The following NAALADL2 variants were observed in gnomAD, a reference collection of about 807,000 sequenced individuals.
The protein encoded by NAALADL2 is inactive N-acetylated-alpha-linked acidic dipeptidase-like protein 2.
NAALADL2 carries 76 observed loss-of-function variants against 87.2 expected under a neutral mutation model. That is an observed-to-expected ratio of 0.87 (90% CI 0.72 to 1.05). NAALADL2 has a LOEUF of 1.05. Among genes scored for constraint, NAALADL2 ranks in the 50% least tolerant of loss-of-function variants. The probability of loss-of-function intolerance (pLI) is 0.00; values close to 1 mark genes in which losing one functional copy is unlikely to be tolerated. For synonymous variants in NAALADL2, 354 were observed against 331.0 expected (o/e 1.07, Z -0.75); for missense variants, 1,089 against 945.8 (o/e 1.15, Z -1.99).
chr3:174,464,198 G>A (rs2108297234), intron 1 of NAALADL2, among the ~76,000 whole-genome samples: 1 of 152,140 alleles, frequency 6.6e-6, no homozygotes, highest in Non-Finnish European at 1.5e-5. Context: ...ACGAACTAAT[G>A]TTTAAGTCCC....
At position 175,704,273 on chromosome 3, in the gene NAALADL2, C is replaced by T. The variant is rs199543248; in HGVS notation, c.1897-33033C>T. Among the ~76,000 whole-genome samples the T allele has an allele frequency of 7.9e-5, 12 of 152,220 alleles. No individual in the cohort carries two copies. The East Asian group carries it at 2.1e-3, about 27-fold the overall frequency. ...GGGGCTGTTCGCTGTGGAAAAGAGG[C>T]TTCCTTTTTCCTCTGTCATTCAGTA... On this transcript the variant is annotated intron_variant, in intron 11 of 13. Coordinates refer to ENST00000454872, the MANE Select transcript of NAALADL2 (RefSeq NM_207015.3).
At chr3:175,577,291 T>C (rs1359480502) in intron 10 of NAALADL2, among the ~76,000 whole-genome samples, 1 of 152,208 alleles carries the variant, frequency 6.6e-6, no homozygotes, top group East Asian at 1.9e-4. Context: ...ACTATGCCTG[T>C]AGAGGGTTTA....
chr3:175,490,187 T>C (rs1031703946), intron 9 of NAALADL2, among the ~76,000 whole-genome samples: 4 of 152,156 alleles, frequency 2.6e-5, no homozygotes, highest in African/African-American at 9.7e-5. Context: ...CTGGGAAAGA[T>C]AGCCCTTCTT....
chr3:175,259,032 G>A (rs986176226), intron 4 of NAALADL2, among the ~76,000 whole-genome samples: 9 of 152,018 alleles, frequency 5.9e-5, no homozygotes, highest in African/African-American at 2.2e-4. Flanking sequence ...AGATTAAAGC[G>A]GCATTTGTCT....
intron 2 of NAALADL2, among the ~76,000 whole-genome samples, chr3:174,686,929 C>T (rs1728098972): frequency 6.6e-6 from 1 of 152,008 alleles, no homozygotes; most frequent in African/African-American, 2.4e-5. Context: ...GCAATTGCAA[C>T]AAAACCAAAA....
intron 13 of NAALADL2, among the ~76,000 whole-genome samples, chr3:175,769,439 C>CA (rs1352190593): frequency 6.6e-6 from 1 of 152,132 alleles, no homozygotes; most frequent in African/African-American, 2.4e-5. Flanking sequence ...ACTGAAAAAT[C>CA]AAACAAGGGC....
At chr3:174,855,151 T>C (rs1471723972), upstream of NAALADL2, among the ~76,000 whole-genome samples, 1 of 152,130 alleles carries the variant, frequency 6.6e-6, no homozygotes, top group Non-Finnish European at 1.5e-5. Context: ...TGCTATACTT[T>C]TACATGAGTG....
At chr3:174,729,181 GA>G (rs1278123038) in intron 2 of NAALADL2, among the ~76,000 whole-genome samples, 1 of 151,978 alleles carries the variant, frequency 6.6e-6, no homozygotes, top group Non-Finnish European at 1.5e-5. Flanking sequence ...CTAACATCCT[GA>G]TGTCTCCTGT....
chr3:175,055,474 T>C (rs1351576160), intron 1 of NAALADL2, among the ~76,000 whole-genome samples: 1 of 152,170 alleles, frequency 6.6e-6, no homozygotes, highest in Non-Finnish European at 1.5e-5. Context: ...GCTCACAGCT[T>C]TTGTACAGCA....
At chr3:174,463,606 T>G (rs1716342174) in intron 1 of NAALADL2, among the ~76,000 whole-genome samples, 1 of 148,578 alleles carries the variant, frequency 6.7e-6, no homozygotes, top group South Asian at 2.1e-4. Flanking sequence ...TATCTTTTTT[T>G]TTTTTTTTTT....
chr3:175,080,532 A>G (rs1717600097), intron 1 of NAALADL2, among the ~76,000 whole-genome samples: 1 of 152,204 alleles, frequency 6.6e-6, no homozygotes, highest in Non-Finnish European at 1.5e-5. Context: ...ATATCATAAT[A>G]TAAGCTTATC....
intron 1 of NAALADL2, among the ~76,000 whole-genome samples, chr3:175,050,413 C>T (rs1257294807): frequency 6.6e-6 from 1 of 152,118 alleles, no homozygotes; most frequent in Non-Finnish European, 1.5e-5. Flanking sequence ...AGGGACGCAC[C>T]ACCACGTCTA....
intron 1 of NAALADL2, among the ~76,000 whole-genome samples, chr3:174,494,597 C>A (rs1465867943): frequency 2.7e-5 from 4 of 145,894 alleles, no homozygotes; most frequent in African/African-American, 1.0e-4. Flanking sequence ...ACGTTGTGCA[C>A]ATGTACCCTA....
chr3:174,763,263 A>G (rs906789087), intron 3 of NAALADL2, among the ~76,000 whole-genome samples: 1 of 152,164 alleles, frequency 6.6e-6, no homozygotes, highest in African/African-American at 2.4e-5. Context: ...ATGAAATTTC[A>G]CAATTTTATG....
chr3:175,029,302 G>A (rs1325293024), intron 1 of NAALADL2, among the ~76,000 whole-genome samples: 1 of 151,936 alleles, frequency 6.6e-6, no homozygotes, highest in Non-Finnish European at 1.5e-5. Context: ...GTTCATTCAG[G>A]TAGAGCTGAA....
intron 3 of NAALADL2, among the ~76,000 whole-genome samples, chr3:175,241,855 A>T (rs1386049418): frequency 6.0e-5 from 5 of 83,820 alleles, no homozygotes; most frequent in Non-Finnish European, 8.5e-5. Context: ...TGGATGCTGA[A>T]TTTTTTTTTT....
chr3:175,742,815 G>C (rs1745423352), intron 12 of NAALADL2, among the ~76,000 whole-genome samples: 1 of 152,130 alleles, frequency 6.6e-6, no homozygotes, highest in African/African-American at 2.4e-5. Flanking sequence ...ATGATTAGAA[G>C]ACAAAAAGAT....
intron 11 of NAALADL2, among the ~76,000 whole-genome samples, chr3:175,712,950 T>C (rs1446460986): frequency 6.6e-6 from 1 of 152,098 alleles, no homozygotes; most frequent in Non-Finnish European, 1.5e-5. Flanking sequence ...TGCAGCATAA[T>C]GAAGTCTGTA....
chr3:174,783,255 G>C (rs1716210058), intron 3 of NAALADL2, among the ~76,000 whole-genome samples: 1 of 152,178 alleles, frequency 6.6e-6, no homozygotes, highest in African/African-American at 2.4e-5. Context: ...CCCTAGTGGG[G>C]TAGAGGTATT....
Sources: allele counts gnomAD v4.1 joint callset (sites outside exome capture counted in the v4.1 genomes callset), GRCh38; gene constraint gnomAD v4.1.1; transcripts MANE v1.5; gene names NCBI Gene and HGNC (gene_info 2026-07-23, HGNC 2026-07-21).